Variants in CD8B2 observed in about 807,000 individuals in gnomAD.
The protein encoded by CD8B2 is CD8B family member 2, also known as T-cell surface glycoprotein CD8 beta-2 chain.
CD8B2 carries 11 observed loss-of-function variants against 23.7 expected under a neutral mutation model. The ratio of observed to expected loss-of-function variants is 0.46; its 90% CI spans 0.29 to 0.77. CD8B2 has a LOEUF of 0.77. Ranked by LOEUF, CD8B2 falls within the 30% of genes least tolerant of loss-of-function variation. The pLI is 0.09. For missense variants in CD8B2, 197 were observed against 270.5 expected (o/e 0.73, Z 1.91); for synonymous variants, 90 against 109.3 (o/e 0.82, Z 1.10).
chr2:106,539,684 T>C (rs1680143051), intron 5 of CD8B2, among the ~76,000 whole-genome samples: 1 of 152,236 alleles, frequency 6.6e-6, no homozygotes, highest in Admixed American at 6.5e-5. Context: ...AGTGTTTGGC[T>C]TCAATGCATC....
At chr2:106,523,148 T>G (rs1159564147) in intron 5 of CD8B2, among the ~76,000 whole-genome samples, 2 of 151,978 alleles carry the variant, frequency 1.3e-5, no homozygotes. Flanking sequence ...GGAGAAAAAT[T>G]CCCCGAACAC....
intron 5 of CD8B2, chr2:106,543,241 G>T (rs1680205080): frequency 2.0e-5 from 3 of 152,180 alleles, no homozygotes; most frequent in South Asian, 2.1e-4. Context: ...AAAATATCAG[G>T]CTTGGCGGAG....
intron 5 of CD8B2, among the ~76,000 whole-genome samples, chr2:106,540,923 T>C (rs1357608978): frequency 3.3e-5 from 5 of 152,212 alleles, no homozygotes; most frequent in Non-Finnish European, 7.3e-5. Context: ...AGCGGGTGTC[T>C]TGAAGGCATA....
At chr2:106,502,595 C>T (rs1357190564) in intron 4 of CD8B2, 32 bp downstream of exon 4, 1 of 1,223,234 alleles carries the variant, frequency 8.2e-7, no homozygotes, top group Non-Finnish European at 1.2e-6. Flanking sequence ...TGTTGGGTGT[C>T]CCTGTTTGCT....
rs995655042 is a variant in CD8B2 at position 106,527,797 on chromosome 2, A to C, written c.621-16195A>C. Among the ~76,000 whole-genome samples, 13 of 90,564 alleles carry C rather than the reference A, an allele frequency of 1.4e-4. No homozygotes were observed. In the East Asian group the frequency reaches 2.2e-3, roughly 15 times the overall value. The allele number at this position is 90,564 out of a possible 152,430, so 59.4% of individuals were successfully genotyped here. A position where few individuals can be genotyped will look rare whatever the true frequency, so the allele number is the denominator to read the frequency against. ...GACTTTGTCTCAAAAACAAACCAAA[A>C]CAAAACAAAAAACAAACAAACAAAC... On this transcript the variant is annotated intron_variant, in intron 5 of 5. Coordinates refer to the CD8B2 transcript ENST00000416057.
chr2:106,515,216 T>C (rs1485842454), downstream of CD8B2, among the ~76,000 whole-genome samples: 1 of 152,214 alleles, frequency 6.6e-6, no homozygotes, highest in Non-Finnish European at 1.5e-5. Context: ...GAGCATTACT[T>C]TTCTGGGATG....
At chr2:106,540,893 A>G (rs939315418) in intron 5 of CD8B2, among the ~76,000 whole-genome samples, 4 of 152,220 alleles carry the variant, frequency 2.6e-5, no homozygotes, top group Non-Finnish European at 4.4e-5. Flanking sequence ...CTTTTGCAGT[A>G]AGTATTCAAA....
chr2:106,516,491 G>T (rs1306810844), intron 5 of CD8B2, among the ~76,000 whole-genome samples: 1 of 152,136 alleles, frequency 6.6e-6, no homozygotes, highest in Non-Finnish European at 1.5e-5. Flanking sequence ...ATGTGTCCTG[G>T]TCAGGGTTCT....
At chr2:106,536,465 T>G (rs1455805130) in intron 5 of CD8B2, among the ~76,000 whole-genome samples, 2 of 152,152 alleles carry the variant, frequency 1.3e-5, no homozygotes, top group Non-Finnish European at 2.9e-5. Flanking sequence ...AAATTTGACA[T>G]GACATTTGGG....
In CD8B2 at chr2:106,529,358, G is replaced by A. The variant is rs75329852; in HGVS notation, c.621-14634G>A. Among the ~76,000 whole-genome samples the A allele has an allele frequency of 4.7e-3, 720 of 152,170 alleles. 5 individuals are homozygous for A. The highest frequency in any genetic ancestry group is 0.015 in the African/African-American group (628 of 41,550). On this transcript the variant is annotated intron_variant, in intron 5 of 5. Transcript: ENST00000416057. The stretch of plus-strand genomic sequence containing the variant: ...GAAGATGGAGCATTGGTTGTTCTTA[G>A]TTGTCCTTGGTATCCCCTTAATGAG...
chr2:106,524,663 G>C (rs4479425), intron 5 of CD8B2, among the ~76,000 whole-genome samples: 149,478 of 152,318 alleles, frequency 0.98, 73,414 homozygotes, highest in East Asian at 1. Context: ...AGTTGCTGCT[G>C]CTGCTTCAGA....
intron 3 of CD8B2, among the ~76,000 whole-genome samples, 180 bp from the exon 4 acceptor site, chr2:106,502,294 C>CAAAAAAAAAAAAAAAA (rs547491786): frequency 4.3e-5 from 3 of 69,530 alleles, no homozygotes; most frequent in Admixed American, 1.8e-4. Context: ...GACTCTGTCT[C>CAAAAAAAAAAAAAAAA]AAAAAAAAAA....
At chr2:106,491,841 G>A (rs1202702705) in intron 2 of CD8B2, among the ~76,000 whole-genome samples, 1 of 152,168 alleles carries the variant, frequency 6.6e-6, no homozygotes, top group Non-Finnish European at 1.5e-5. Context: ...GAGCCACCGT[G>A]CCTGGCCAGG....
chr2:106,524,456 A>T (rs1679879344), intron 5 of CD8B2, among the ~76,000 whole-genome samples: 1 of 152,102 alleles, frequency 6.6e-6, no homozygotes, highest in African/African-American at 2.4e-5. Context: ...CCCTCAGCCG[A>T]TTCCTGAAGC....
intron 5 of CD8B2, among the ~76,000 whole-genome samples, chr2:106,538,550 A>T (rs550328702): frequency 6.6e-6 from 1 of 152,110 alleles, no homozygotes; most frequent in South Asian, 2.1e-4. Flanking sequence ...CACAAAGTGC[A>T]TTTACCTTGG....
At chr2:106,516,704 C>T (rs929092476) in intron 5 of CD8B2, among the ~76,000 whole-genome samples, 4 of 151,988 alleles carry the variant, frequency 2.6e-5, no homozygotes, top group Non-Finnish European at 5.9e-5. Context: ...GGGTTTGGGG[C>T]ACTTATTTTT....
intron 5 of CD8B2, among the ~76,000 whole-genome samples, chr2:106,520,638 TCTC>T (rs1679808641): frequency 1.3e-5 from 2 of 152,148 alleles, no homozygotes; most frequent in East Asian, 1.9e-4. Context: ...ACACCTATAA[TCTC>T]AGCACTTTGG....
At chr2:106,537,730 C>A (rs1375758776) in intron 5 of CD8B2, among the ~76,000 whole-genome samples, 1 of 152,194 alleles carries the variant, frequency 6.6e-6, no homozygotes, top group African/African-American at 2.4e-5. Context: ...TTTCTAAAAG[C>A]CCTTGCAGAG....
intron 5 of CD8B2, among the ~76,000 whole-genome samples, chr2:106,528,148 T>G (rs1367758851): frequency 6.6e-6 from 1 of 152,278 alleles, no homozygotes; most frequent in African/African-American, 2.4e-5. Context: ...TATTTTAATG[T>G]GCTTATTAGC....
Sources: gnomAD v4.1 joint callset for allele counts (sites outside exome capture counted in the v4.1 genomes callset) on GRCh38, gnomAD v4.1.1 for gene constraint, MANE v1.5 for transcripts, NCBI Gene and HGNC (gene_info 2026-07-23, HGNC 2026-07-21) for gene names.